PTPN3: variants seen among roughly 807,000 people sequenced by gnomAD.
PTPN3 encodes the protein tyrosine-protein phosphatase non-receptor type 3.
PTPN3 carries 96 observed loss-of-function variants against 132.7 expected under a neutral mutation model. The ratio of observed to expected loss-of-function variants is 0.72; its 90% CI spans 0.61 to 0.86. PTPN3 has a LOEUF of 0.86. PTPN3 is among the 40% of genes least tolerant of loss of function. PTPN3 has a pLI of 0.00. For synonymous variants in PTPN3, 398 were observed against 429.0 expected (o/e 0.93, Z 0.89); for missense variants, 1,125 against 1,159.6 (o/e 0.97, Z 0.43).
chr9:109,439,174 A>G (rs1191420358), intron 7 of PTPN3, among the ~76,000 whole-genome samples: 1 of 152,194 alleles, frequency 6.6e-6, no homozygotes, highest in Non-Finnish European at 1.5e-5. Flanking sequence ...CCATTGAGGA[A>G]ACTGGGAAAA....
chr9:109,498,017 C>T lies in PTPN3; in HGVS notation c.-18+202G>A, dbSNP rs1252544984. Among the ~76,000 whole-genome samples the T allele has an allele frequency of 6.8e-6, 1 of 145,996 alleles. No individual in the cohort carries two copies. The highest frequency in any genetic ancestry group is 2.0e-4 in the East Asian group (1 of 5,078). On this transcript the variant is annotated intron_variant, in intron 1 of 25. Coordinates refer to ENST00000374541, the MANE Select transcript of PTPN3 (RefSeq NM_002829.4). This position sits in a 1 kb window ranked among gnomAD's most constrained non-coding sequence, Gnocchi z 4.2. Reference sequence around the variant, plus strand: ...CCCGCCCGCGCCCTCCCGCCCCGGCCCCGCCAGGTGAGCGCAGCGGGGCGC... The same window carrying T: ...CCCGCCCGCGCCCTCCCGCCCCGGCTCCGCCAGGTGAGCGCAGCGGGGCGC...
At chr9:109,384,573 A>T (rs1839406616) in intron 22 of PTPN3, among the ~76,000 whole-genome samples, 1 of 152,302 alleles carries the variant, frequency 6.6e-6, no homozygotes, top group African/African-American at 2.4e-5. Context: ...CTTGTCCTGT[A>T]AGCCATCTTA....
chr9:109,407,709 T>C (rs1204151789), intron 17 of PTPN3, among the ~76,000 whole-genome samples: 1 of 152,124 alleles, frequency 6.6e-6, no homozygotes, highest in Non-Finnish European at 1.5e-5. Flanking sequence ...CACACCCAGA[T>C]AATTTTTGTA....
intron 16 of PTPN3, among the ~76,000 whole-genome samples, chr9:109,408,796 A>AAAATATATATAT (rs1377996219): frequency 1.8e-5 from 2 of 108,358 alleles, no homozygotes; most frequent in Admixed American, 1.0e-4. Flanking sequence ...AAAAAAAAAA[A>AAAATATATATAT]ATATATATAT....
intron 1 of PTPN3, among the ~76,000 whole-genome samples, chr9:109,490,990 G>C (rs1027709289): frequency 9.2e-5 from 14 of 151,602 alleles, no homozygotes; most frequent in African/African-American, 3.2e-4. Context: ...TTGAGGTCAG[G>C]AGTTCGAGAC....
chr9:109,534,439 G>T, the PTPN3 span: 1 of 1,323,910 alleles, frequency 7.6e-7, no homozygotes, highest in Non-Finnish European at 9.9e-7. Context: ...GGCTCTCTGG[G>T]GTCCGCTCTC....
chr9:109,465,706 C>CAAAAAAAAA (rs34634972), intron 1 of PTPN3, among the ~76,000 whole-genome samples: 26 of 64,788 alleles, frequency 4.0e-4, no homozygotes, highest in South Asian at 7.2e-4. Context: ...AACTCTGTCT[C>CAAAAAAAAA]AAAAAAAAAA....
intron 12 of PTPN3, 40 bp downstream of exon 12, chr9:109,426,910 T>A: frequency 6.4e-7 from 1 of 1,555,686 alleles, no homozygotes; most frequent in Non-Finnish European, 8.8e-7. Context: ...TGCATTTACA[T>A]CTCAGCCTAG....
At chr9:109,472,660 T>C (rs1400744939) in intron 1 of PTPN3, among the ~76,000 whole-genome samples, 1 of 152,258 alleles carries the variant, frequency 6.6e-6, no homozygotes, top group Non-Finnish European at 1.5e-5. Flanking sequence ...CATAACTCTA[T>C]AATTTCATAA....
chr9:109,536,190 C>T, the PTPN3 span, among the ~76,000 whole-genome samples: 1 of 152,230 alleles, frequency 6.6e-6, no homozygotes, highest in Admixed American at 6.5e-5. Context: ...TCACATTTAT[C>T]AGAACTTCAT....
intron 19 of PTPN3, 128 bp from the exon 20 acceptor site, chr9:109,391,689 GAA>G (rs1840116247): frequency 1.5e-6 from 1 of 657,118 alleles, no homozygotes; most frequent in Non-Finnish European, 2.4e-6. Context: ...TATACTAAAA[GAA>G]AATCTTCCCA....
At chr9:109,397,552 T>C (rs1840700484) in intron 19 of PTPN3, 1 of 152,230 alleles carries the variant, frequency 6.6e-6, no homozygotes, top group Non-Finnish European at 1.5e-5. Context: ...TCACCCACAC[T>C]AGGACATCGC....
intron 10 of PTPN3, chr9:109,429,098 C>A (rs1334555719): frequency 2.1e-6 from 2 of 951,824 alleles, no homozygotes; most frequent in African/African-American, 1.8e-5. Context: ...TGTCAAGTAG[C>A]CTACTTAACA....
At chr9:109,514,909 G>A in the PTPN3 span, among the ~76,000 whole-genome samples, 49 of 152,158 alleles carry the variant, frequency 3.2e-4, no homozygotes, top group Non-Finnish European at 1.3e-4. Flanking sequence ...GGTCCCAGAA[G>A]AATGAGAAAA....
rs1237437987 is a variant in PTPN3 at position 109,420,611 on chromosome 9, A to G, written c.1137-11T>C. 6.2e-7 allele frequency: 1 copy of G among 1,602,968 alleles called. No homozygotes were observed. ...AGCCGAGGACTTCGCCTGGGTGGGA[A>G]AAACGTTGAGTGCAAAGTGTTCAAA... On this transcript the variant is annotated splice_polypyrimidine_tract_variant and intron_variant, in intron 13 of 25. Coordinates refer to ENST00000374541, the MANE Select transcript of PTPN3 (RefSeq NM_002829.4).
chr9:109,427,049 C>T lies in PTPN3; in HGVS notation c.902G>A (p.Cys301Tyr), dbSNP rs147767465. 3.7e-5 allele frequency: 59 copies of T among 1,613,824 alleles called. No homozygotes were observed. The highest frequency in any genetic ancestry group is 4.9e-5 in the Non-Finnish European group (58 of 1,179,842). Residue 301 changes from cysteine (C) to tyrosine (Y), a missense_variant, in exon 12 of 26, where the codon TGT (cysteine) becomes TAT (tyrosine). Transcript: ENST00000374541. ...YRSCKNLWKS[C>Y]VEHHTFFQAK... ...CTGAAAGAACGTATGGTGCTCAACA[C>T]AGGATTTCCACAAGTTTTTGCAAGA...
chr9:109,535,291 C>T, the PTPN3 span, among the ~76,000 whole-genome samples: 1 of 152,160 alleles, frequency 6.6e-6, no homozygotes, highest in Non-Finnish European at 1.5e-5. Context: ...CTCCACATAT[C>T]GTTTCCATGG....
Position 109,376,944 on chromosome 9 carries a change from C to A in PTPN3, c.*2612G>T, listed in dbSNP as rs1334295196. The A allele has an allele frequency of 6.6e-6, 1 of 152,188 alleles. No individual in the cohort carries two copies. The highest frequency in any genetic ancestry group is 2.4e-5 in the African/African-American group (1 of 41,432). 9.4% of individuals were successfully genotyped at this position (152,188 alleles called of 1,614,324 possible). ...CCCAGTGGCAGAAGACTGCTTGCAA[C>A]CTTTGGTAGGCTTTTTAGAAATTTA... On this transcript the variant is annotated 3_prime_UTR_variant, in exon 26 of 26. Coordinates refer to ENST00000374541, the MANE Select transcript of PTPN3 (RefSeq NM_002829.4).
At chr9:109,400,924 CAT>C (rs1228614681) in intron 19 of PTPN3, among the ~76,000 whole-genome samples, 2 of 152,172 alleles carry the variant, frequency 1.3e-5, no homozygotes, top group Non-Finnish European at 2.9e-5. Flanking sequence ...GTGGTTTTCA[CAT>C]GATGGTCTGT....
Sources: gnomAD v4.1 joint callset for allele counts (sites outside exome capture counted in the v4.1 genomes callset) on GRCh38, gnomAD v4.1.1 for gene constraint, Gnocchi (gnomAD v3.1) non-coding constraint, MANE v1.5 for transcripts, NCBI Gene and HGNC (gene_info 2026-07-23, HGNC 2026-07-21) for gene names.